GPR176: variants seen among roughly 807,000 people sequenced by gnomAD.
GPR176 encodes the protein G-protein coupled receptor 176.
GPR176 carries 26 observed loss-of-function variants against 35.4 expected under a neutral mutation model. The observed-to-expected ratio is 0.74, with a 90% confidence interval of 0.54 to 1.02. GPR176 has a LOEUF of 1.02. Ranked by LOEUF, GPR176 falls within the 50% of genes least tolerant of loss-of-function variation. The pLI is 0.00. For missense variants in GPR176, 597 were observed against 665.3 expected (o/e 0.90, Z 1.13); for synonymous variants, 278 against 271.3 (o/e 1.02, Z -0.24).
At chr15:39,823,908 CT>C (rs553725724) in intron 1 of GPR176, among the ~76,000 whole-genome samples, 38 of 152,188 alleles carry the variant, frequency 2.5e-4, no homozygotes, top group Non-Finnish European at 4.7e-4. Context: ...CTTCAAAGTT[CT>C]CCTCTGCCTG....
chr15:39,817,436 A>G (rs1899994871), intron 1 of GPR176, among the ~76,000 whole-genome samples: 1 of 152,246 alleles, frequency 6.6e-6, no homozygotes. Flanking sequence ...CAGAGGTACA[A>G]AAGTAACTTG....
At chr15:39,869,478 C>T (rs1318179777) in intron 1 of GPR176, among the ~76,000 whole-genome samples, 1 of 152,152 alleles carries the variant, frequency 6.6e-6, no homozygotes, top group African/African-American at 2.4e-5. Flanking sequence ...CCCAGAGGTG[C>T]AGCCCTGAGC....
chr15:39,854,865 C>T (rs1024916671), intron 1 of GPR176, among the ~76,000 whole-genome samples: 1 of 151,858 alleles, frequency 6.6e-6, no homozygotes, highest in South Asian at 2.1e-4. Flanking sequence ...AGTAAGACAT[C>T]CCCCCACCAC....
chr15:39,863,071 T>C (rs916125523), intron 1 of GPR176, among the ~76,000 whole-genome samples: 4 of 151,552 alleles, frequency 2.6e-5, no homozygotes, highest in Non-Finnish European at 4.4e-5. Flanking sequence ...TTTTTTTTTT[T>C]TTCTTTTTTT....
At chr15:39,836,519 C>T (rs989077051) in intron 1 of GPR176, among the ~76,000 whole-genome samples, 1 of 152,136 alleles carries the variant, frequency 6.6e-6, no homozygotes, top group Non-Finnish European at 1.5e-5. Context: ...CCTGCAGAAC[C>T]ATGAGCCAAA....
chr15:39,826,499 C>T (rs1290440842), intron 1 of GPR176, among the ~76,000 whole-genome samples: 1 of 152,106 alleles, frequency 6.6e-6, no homozygotes, highest in East Asian at 1.9e-4. Flanking sequence ...TCCCCACCTA[C>T]AGGGGGCTCC....
chr15:39,814,657 T>C (rs1899781085), intron 1 of GPR176, among the ~76,000 whole-genome samples: 1 of 152,230 alleles, frequency 6.6e-6, no homozygotes, highest in Non-Finnish European at 1.5e-5. Flanking sequence ...GGGGTTGTTT[T>C]TCTGTGGTAG....
intron 1 of GPR176, among the ~76,000 whole-genome samples, chr15:39,874,497 T>A (rs1428062558): frequency 1.3e-5 from 2 of 152,250 alleles, no homozygotes; most frequent in African/African-American, 4.8e-5. Context: ...TTCATCTTGC[T>A]ATGTATTGTT....
At chr15:39,880,165 C>T (rs370058178) in intron 1 of GPR176, among the ~76,000 whole-genome samples, 1 of 152,224 alleles carries the variant, frequency 6.6e-6, no homozygotes, top group East Asian at 1.9e-4. Context: ...CTTCCACTCA[C>T]TTCCAAAAGT....
At chr15:39,853,787 C>T (rs2031026689) in intron 1 of GPR176, among the ~76,000 whole-genome samples, 1 of 151,970 alleles carries the variant, frequency 6.6e-6, no homozygotes, top group Non-Finnish European at 1.5e-5. Flanking sequence ...CAAGACATCC[C>T]CCAACAACAA....
At chr15:39,862,194 T>C (rs752763747) in intron 1 of GPR176, 5 of 152,224 alleles carry the variant, frequency 3.3e-5, no homozygotes, top group Admixed American at 6.5e-5. Flanking sequence ...TTATGTTTTA[T>C]TCTGAGCAGT....
chr15:39,914,475 G>A (rs995613428), intron 1 of GPR176, among the ~76,000 whole-genome samples: 9 of 151,826 alleles, frequency 5.9e-5, no homozygotes, highest in Non-Finnish European at 1.2e-4. Flanking sequence ...CACCATGCCC[G>A]GCTAATTTTT....
chr15:39,845,922 G>C (rs1211535826), intron 1 of GPR176, among the ~76,000 whole-genome samples: 1 of 152,138 alleles, frequency 6.6e-6, no homozygotes, highest in Admixed American at 6.6e-5. Context: ...TGTACCTGAA[G>C]CAAAGTGAGA....
chr15:39,888,097 C>T (rs1403126845), intron 1 of GPR176, among the ~76,000 whole-genome samples: 1 of 152,212 alleles, frequency 6.6e-6, no homozygotes, highest in Non-Finnish European at 1.5e-5. Flanking sequence ...TCCCTTTCTG[C>T]AGTCATTTAT....
intron 1 of GPR176, chr15:39,829,259 G>T: frequency 6.9e-7 from 1 of 1,456,114 alleles, no homozygotes; most frequent in South Asian, 1.4e-5. Context: ...AAGCCACTTG[G>T]ACTCGGGCAT....
intron 1 of GPR176, among the ~76,000 whole-genome samples, chr15:39,861,281 G>A (rs993951110): frequency 1.6e-4 from 24 of 152,158 alleles, no homozygotes; most frequent in Non-Finnish European, 2.1e-4. Flanking sequence ...CCCGGGCATG[G>A]TGGCTCACAC....
At chr15:39,907,312 C>T (rs1329273413) in intron 1 of GPR176, among the ~76,000 whole-genome samples, 2 of 152,210 alleles carry the variant, frequency 1.3e-5, no homozygotes, top group African/African-American at 4.8e-5. Flanking sequence ...CTTGACAATG[C>T]CCACGTGATC....
intron 1 of GPR176, among the ~76,000 whole-genome samples, chr15:39,865,527 T>G (rs2031791643): frequency 1.3e-5 from 2 of 152,082 alleles, no homozygotes; most frequent in South Asian, 4.1e-4. Context: ...GAGCATGGAA[T>G]GACAGAAAAT....
intron 1 of GPR176, among the ~76,000 whole-genome samples, chr15:39,867,758 A>G (rs1049332124): frequency 6.6e-5 from 10 of 152,092 alleles, no homozygotes; most frequent in African/African-American, 2.4e-4. Flanking sequence ...AGAAAAGAGG[A>G]AAAGAGTGAA....
Sources: allele counts gnomAD v4.1 joint callset (sites outside exome capture counted in the v4.1 genomes callset), GRCh38; gene constraint gnomAD v4.1.1; transcripts MANE v1.5; gene names NCBI Gene and HGNC (gene_info 2026-07-23, HGNC 2026-07-21).